The following ELMO1 variants were observed in gnomAD, a reference collection of about 807,000 sequenced individuals.
The protein encoded by ELMO1 is engulfment and cell motility 1.
ELMO1 carries 26 observed loss-of-function variants against 98.9 expected under a neutral mutation model. The ratio of observed to expected loss-of-function variants is 0.26; its 90% confidence interval spans 0.19 to 0.36. The LOEUF (loss-of-function observed/expected upper bound fraction) is 0.36, where lower values mean the gene tolerates loss of function less well. Among genes scored for constraint, ELMO1 ranks in the 10% least tolerant of loss-of-function variants. ELMO1 has a pLI of 1.00. For synonymous variants in ELMO1, 346 were observed against 346.0 expected (o/e 1.00, Z 0.00); for missense variants, 627 against 935.2 (o/e 0.67, Z 4.30).
chr7:37,281,069 A>T (rs962207420), intron 4 of ELMO1, among the ~76,000 whole-genome samples: 1 of 151,626 alleles, frequency 6.6e-6, no homozygotes, highest in Non-Finnish European at 1.5e-5. Flanking sequence ...AAAAGGAGTG[A>T]GTTAACAGCA....
chr7:37,273,690 G>A (rs939739112), intron 4 of ELMO1, among the ~76,000 whole-genome samples: 2 of 152,084 alleles, frequency 1.3e-5, no homozygotes, highest in African/African-American at 2.4e-5. Context: ...CACCGTGGTC[G>A]CATGCCCTAC....
At chr7:37,305,062 T>C (rs1798541493) in intron 4 of ELMO1, among the ~76,000 whole-genome samples, 1 of 152,184 alleles carries the variant, frequency 6.6e-6, no homozygotes, top group Non-Finnish European at 1.5e-5. Context: ...AAGTTTTGTA[T>C]GTATGTAAGC....
intron 15 of ELMO1, among the ~76,000 whole-genome samples, chr7:37,079,446 TGG>T (rs1797746556): frequency 3.9e-5 from 6 of 152,322 alleles, no homozygotes; most frequent in Middle Eastern, 3.4e-3. Flanking sequence ...TGATGTCAAA[TGG>T]TGTAAATGTT....
intron 19 of ELMO1, among the ~76,000 whole-genome samples, chr7:36,875,302 C>T (rs1183273909): frequency 6.6e-6 from 1 of 152,050 alleles, no homozygotes; most frequent in Non-Finnish European, 1.5e-5. Flanking sequence ...TGCTTCATTT[C>T]AATTCATTAC....
At chr7:37,270,404 T>A (rs1214899746) in intron 5 of ELMO1, 1 of 152,202 alleles carries the variant, frequency 6.6e-6, no homozygotes, top group African/African-American at 2.4e-5. Flanking sequence ...TTTTCAACAA[T>A]AAGGATTTAT....
chr7:37,219,122 A>G (rs561292586), intron 10 of ELMO1, among the ~76,000 whole-genome samples: 3 of 152,310 alleles, frequency 2.0e-5, no homozygotes, highest in African/African-American at 4.8e-5. Context: ...AATCTCCTAC[A>G]TCCCAGAGGC....
At chr7:37,388,035 T>C (rs1583668032) in intron 1 of ELMO1, among the ~76,000 whole-genome samples, 1 of 152,098 alleles carries the variant, frequency 6.6e-6, no homozygotes, top group African/African-American at 2.4e-5. Context: ...GATCTCCCTA[T>C]GTTGCCTGCC....
chr7:36,896,185 C>T (rs1467134470), intron 16 of ELMO1, among the ~76,000 whole-genome samples: 1 of 152,164 alleles, frequency 6.6e-6, no homozygotes, highest in Non-Finnish European at 1.5e-5. Context: ...ATTTAATCCT[C>T]CCTCCAATAC....
intron 15 of ELMO1, among the ~76,000 whole-genome samples, chr7:37,091,937 A>G (rs1181333803): frequency 6.6e-6 from 1 of 152,176 alleles, no homozygotes; most frequent in Non-Finnish European, 1.5e-5. Flanking sequence ...CGATTTGATT[A>G]TCTCCCACTG....
intron 13 of ELMO1, among the ~76,000 whole-genome samples, chr7:37,152,009 C>A (rs1395545563): frequency 6.6e-6 from 1 of 152,006 alleles, no homozygotes; most frequent in African/African-American, 2.4e-5. Flanking sequence ...CCATTGCCAA[C>A]CAGAAAAGTA....
intron 8 of ELMO1, among the ~76,000 whole-genome samples, chr7:37,229,137 T>G (rs1452271581): frequency 6.6e-6 from 1 of 152,168 alleles, no homozygotes; most frequent in African/African-American, 2.4e-5. Context: ...GGTGGGATGT[T>G]TGTCCAGGCA....
At chr7:36,978,445 G>A (rs1280497259) in intron 16 of ELMO1, among the ~76,000 whole-genome samples, 1 of 152,000 alleles carries the variant, frequency 6.6e-6, no homozygotes, top group East Asian at 1.9e-4. Context: ...TGGCCGGCGG[G>A]AGTGCAGGGG....
At chr7:37,349,561 C>G (rs1801164664) in intron 1 of ELMO1, among the ~76,000 whole-genome samples, 1 of 152,176 alleles carries the variant, frequency 6.6e-6, no homozygotes, top group African/African-American at 2.4e-5. Flanking sequence ...TCAAGTGATT[C>G]TCCTGCCTCA....
At chr7:36,982,282 A>T (rs750266357) in intron 16 of ELMO1, among the ~76,000 whole-genome samples, 1 of 152,246 alleles carries the variant, frequency 6.6e-6, no homozygotes, top group Non-Finnish European at 1.5e-5. Flanking sequence ...AATGTAAAAC[A>T]CATGTCATAT....
intron 15 of ELMO1, among the ~76,000 whole-genome samples, chr7:37,035,802 T>G (rs907689231): frequency 6.6e-6 from 1 of 152,198 alleles, no homozygotes; most frequent in African/African-American, 2.4e-5. Context: ...GAGAGAAAAC[T>G]TTATCTGGAG....
intron 14 of ELMO1, among the ~76,000 whole-genome samples, chr7:37,120,814 G>C (rs1230264046): frequency 6.6e-6 from 1 of 152,182 alleles, no homozygotes; most frequent in African/African-American, 2.4e-5. Context: ...TCTGAGAATG[G>C]ACAGACTGCC....
intron 20 of ELMO1, among the ~76,000 whole-genome samples, chr7:36,869,926 T>C (rs1206654928): frequency 2.6e-5 from 4 of 152,238 alleles, no homozygotes; most frequent in Non-Finnish European, 5.9e-5. Flanking sequence ...TAAGATTCTT[T>C]GAGTCAGCTG....
chr7:37,070,932 T>C (rs1797235601), intron 15 of ELMO1, among the ~76,000 whole-genome samples: 1 of 152,194 alleles, frequency 6.6e-6, no homozygotes, highest in Non-Finnish European at 1.5e-5. Context: ...AGTGGAGATT[T>C]ATGTCAATGA....
chr7:37,088,648 G>A (rs560903143), intron 15 of ELMO1, among the ~76,000 whole-genome samples: 87 of 152,248 alleles, frequency 5.7e-4, no homozygotes, highest in African/African-American at 1.9e-3. Context: ...AAAAGTCCTC[G>A]TATCAACTAT....
Sources: gnomAD v4.1 joint callset for allele counts (sites outside exome capture counted in the v4.1 genomes callset) on GRCh38, gnomAD v4.1.1 for gene constraint, MANE v1.5 for transcripts, NCBI Gene and HGNC (gene_info 2026-07-23, HGNC 2026-07-21) for gene names.